DRC4: variants seen among roughly 807,000 people sequenced by gnomAD.
The protein encoded by DRC4 is dynein regulatory complex subunit 4, also known as GAS-11.
the DRC4 span, chr16:90,042,590 C>G: frequency 6.8e-7 from 1 of 1,476,444 alleles, no homozygotes; most frequent in Non-Finnish European, 9.4e-7. Flanking sequence ...CCAGACTGTT[C>G]TAAATGCAGA....
the DRC4 span, chr16:90,031,368 C>A: frequency 6.2e-7 from 1 of 1,613,084 alleles, no homozygotes; most frequent in Non-Finnish European, 8.5e-7. Context: ...CTACTTCCAG[C>A]TGGAGCGGGA....
At chr16:90,037,674 G>A in the DRC4 span, 1 of 1,284,186 alleles carries the variant, frequency 7.8e-7, no homozygotes. Context: ...GATTATTTTT[G>A]GCCTTGCCAT....
At chr16:90,040,088 T>G in the DRC4 span, 1 of 600,402 alleles carries the variant, frequency 1.7e-6, no homozygotes, top group Non-Finnish European at 3.0e-6. Flanking sequence ...CTTATGCTGA[T>G]GTGTTCCTCC....
the DRC4 span, among the ~76,000 whole-genome samples, chr16:90,023,140 G>A: frequency 2.6e-5 from 4 of 152,176 alleles, no homozygotes; most frequent in African/African-American, 7.2e-5. Context: ...GAATAGAGCC[G>A]GAGGCAGGAA....
At chr16:90,027,628 C>T in the DRC4 span, 9 of 1,613,934 alleles carry the variant, frequency 5.6e-6, no homozygotes, top group Middle Eastern at 1.6e-4. Flanking sequence ...CCATTATTTC[C>T]ACCAAAGGCA....
the DRC4 span, chr16:90,043,542 C>T: frequency 5.0e-5 from 31 of 619,382 alleles, no homozygotes; most frequent in East Asian, 2.0e-4. Context: ...GTGTCCCTGT[C>T]GCTCCCTTCC....
At chr16:90,027,983 G>C in the DRC4 span, 1 of 465,476 alleles carries the variant, frequency 2.1e-6, no homozygotes, top group South Asian at 3.3e-5. Context: ...TGATCTAAAA[G>C]CTGTTTTTAA....
the DRC4 span, chr16:90,044,373 G>C: frequency 2.4e-6 from 1 of 414,104 alleles, no homozygotes; most frequent in Non-Finnish European, 4.9e-6. Flanking sequence ...AAGCAAGTGA[G>C]CTCACCTACC....
At chr16:90,032,299 G>T in the DRC4 span, among the ~76,000 whole-genome samples, 23 of 151,976 alleles carry the variant, frequency 1.5e-4, no homozygotes, top group Non-Finnish European at 2.2e-4. Flanking sequence ...AGGTGAGGAG[G>T]TGTGGTACAG....
chr16:90,028,693 C>A, the DRC4 span, among the ~76,000 whole-genome samples: 3 of 152,298 alleles, frequency 2.0e-5, no homozygotes, highest in East Asian at 5.8e-4. Context: ...CTCCTGGAGA[C>A]GGCAGTGTGT....
the DRC4 span, chr16:90,036,210 C>G: frequency 3.2e-6 from 2 of 630,188 alleles, no homozygotes; most frequent in Non-Finnish European, 5.4e-6. Flanking sequence ...GTGTGAGCAT[C>G]AGCAGAAAAA....
chr16:90,024,006 G>A, the DRC4 span, among the ~76,000 whole-genome samples: 1 of 150,522 alleles, frequency 6.6e-6, no homozygotes, highest in Admixed American at 6.6e-5. Context: ...AAAGCAGGGT[G>A]TAGTGGCTGA....
At chr16:90,044,321 T>C in the DRC4 span, 6 of 421,416 alleles carry the variant, frequency 1.4e-5, no homozygotes, top group Admixed American at 1.2e-4. Context: ...TGTGTCCTCG[T>C]AGAGTCTATT....
the DRC4 span, chr16:90,032,846 C>T: frequency 3.1e-6 from 5 of 1,613,830 alleles, no homozygotes; most frequent in African/African-American, 5.3e-5. Flanking sequence ...GTGTGCTGCG[C>T]AAGGACATGC....
chr16:90,040,867 C>G, the DRC4 span, among the ~76,000 whole-genome samples: 2 of 151,224 alleles, frequency 1.3e-5, no homozygotes, highest in African/African-American at 4.9e-5. Flanking sequence ...GGGGGAACGA[C>G]GGGTCCCGGC....
the DRC4 span, among the ~76,000 whole-genome samples, chr16:90,039,353 AG>A: frequency 6.9e-6 from 1 of 144,542 alleles, no homozygotes; most frequent in Admixed American, 7.2e-5. Context: ...TTAGAGACCA[AG>A]GCAGTTATTT....
At chr16:90,029,659 G>C in the DRC4 span, 16 of 218,162 alleles carry the variant, frequency 7.3e-5, no homozygotes, top group Middle Eastern at 2.0e-3. Context: ...TTGTTTGCTC[G>C]TTGTCTTGTC....
the DRC4 span, chr16:90,035,488 C>G: frequency 2.9e-6 from 3 of 1,039,100 alleles, no homozygotes; most frequent in South Asian, 1.4e-5. Context: ...CATGTTCTCT[C>G]TCAAGCTTAG....
chr16:90,029,278 C>T, the DRC4 span: 2 of 1,366,706 alleles, frequency 1.5e-6, no homozygotes. Context: ...CTTCAGGGTC[C>T]AGGCAGGTGG....
Sources: gnomAD v4.1 joint callset for allele counts (sites outside exome capture counted in the v4.1 genomes callset) on GRCh38, gnomAD v4.1.1 for gene constraint, MANE v1.5 for transcripts, NCBI Gene and HGNC (gene_info 2026-07-23, HGNC 2026-07-21) for gene names.